The following GABBR1 variants were observed in gnomAD, a reference collection of about 807,000 sequenced individuals.
GABBR1 encodes the protein gamma-aminobutyric acid type B receptor subunit 1, also known as GABA-B receptor, R1 subunit.
In GABBR1, 35 loss-of-function variants were observed where a neutral mutation model predicts 117.7. The ratio of observed to expected loss-of-function variants is 0.30; its 90% CI spans 0.23 to 0.39. The LOEUF (loss-of-function observed/expected upper bound fraction) is 0.39. Ranked by LOEUF, GABBR1 falls within the 10% of genes least tolerant of loss-of-function variation. The probability of loss-of-function intolerance (pLI) is 1.00; values close to 1 mark genes in which losing one functional copy is unlikely to be tolerated. For missense variants in GABBR1, 709 were observed against 1,241.8 expected (o/e 0.57, Z 6.45); for synonymous variants, 442 against 486.6 (o/e 0.91, Z 1.21).
rs1162205918 is a variant in GABBR1, at chr6:29,602,972, C to A, written c.*571G>T. On this transcript the variant is annotated 3_prime_UTR_variant, in exon 23 of 23. Transcript: ENST00000377034. ...TGCATGTGTGCTGAGCGTGAGTGCA[C>A]AGAGCAGAGGCAAGGAGCATGTGAG... 2.2e-6 allele frequency: 1 copy of A among 456,294 alleles called. No homozygotes were observed. Among genetic ancestry groups the A allele is most frequent in the African/African-American group, 2.0e-5 (1 of 50,050 alleles). 28.3% of individuals were successfully genotyped at this position (456,294 alleles called of 1,614,324 possible).
At position 29,620,619 on chromosome 6, in the gene GABBR1, A is replaced by C. The variant is rs958331999; in HGVS notation, c.1323+482T>G. On this transcript the variant is annotated intron_variant, in intron 11 of 22. Transcript: ENST00000377034. The surrounding 1 kb of genome is among the most constrained non-coding windows in gnomAD (Gnocchi z 4.5). Reference sequence around the variant, plus strand: ...CCTTCTCCACATAAAATTCTAAAAAAAGAATCATTAAAAAAAGCAACAGGA... The same window carrying C: ...CCTTCTCCACATAAAATTCTAAAAACAGAATCATTAAAAAAAGCAACAGGA... Among the ~76,000 whole-genome samples the C allele has an allele frequency of 6.6e-6, 1 of 152,214 alleles. No homozygotes were observed. The highest frequency in any genetic ancestry group is 1.5e-5 in the Non-Finnish European group (1 of 68,032).
rs1761689552 is a variant in GABBR1, at chr6:29,604,037, T to C, written c.2713-321A>G. ...AAATCAGAGAGATGTGTCAACCCAGTTGGAACATCCCTCTCTTTGGCATTG... is the reference window on the plus strand; with the variant it reads ...AAATCAGAGAGATGTGTCAACCCAGCTGGAACATCCCTCTCTTTGGCATTG... On this transcript the variant is annotated intron_variant, in intron 22 of 22. Transcript: ENST00000377034. This position sits in a 1 kb window ranked among gnomAD's most constrained non-coding sequence, Gnocchi z 5.3. Among the ~76,000 whole-genome samples the C allele has an allele frequency of 1.3e-5, 2 of 152,230 alleles. No homozygotes were observed. Among genetic ancestry groups the C allele is most frequent in the Non-Finnish European group, 2.9e-5 (2 of 68,012 alleles).
chr6:29,624,347 C>G (rs1200910080), intron 6 of GABBR1: 2 of 211,596 alleles, frequency 9.5e-6, no homozygotes, highest in African/African-American at 4.6e-5. Context: ...TCACCAAGCC[C>G]TTTACCCCAT....
chr6:29,623,287 T>G lies in GABBR1; in HGVS notation c.963+18A>C. ...TTTGAGCTTATGTCCCTTTACCCCTTGCCCAACCCCTCCTCACCGAAGTGA... is the reference window on the plus strand; with the variant it reads ...TTTGAGCTTATGTCCCTTTACCCCTGGCCCAACCCCTCCTCACCGAAGTGA... On this transcript the variant is annotated intron_variant, in intron 8 of 22. Transcript: ENST00000377034. This position sits in a 1 kb window ranked among gnomAD's most constrained non-coding sequence, Gnocchi z 6.2. The G allele has an allele frequency of 6.2e-7, 1 of 1,605,478 alleles. No homozygotes were observed. Among genetic ancestry groups the G allele is most frequent in the Non-Finnish European group, 8.5e-7 (1 of 1,173,168 alleles).
intron 6 of GABBR1, among the ~76,000 whole-genome samples, chr6:29,626,518 CATT>C (rs1764289613): frequency 6.6e-6 from 1 of 151,966 alleles, no homozygotes; most frequent in Non-Finnish European, 1.5e-5. Context: ...AAAAAAACCT[CATT>C]ATAAGCTATC....
Position 29,627,798 on chromosome 6 carries a change from G to A in GABBR1, c.497-152C>T, listed in dbSNP as rs1764474340. ...AAGGGGCCCCGGGCCCCATGGCGTG[G>A]GGGGCAGGGGTAGCTGTTGGGGAGC... On this transcript the variant is annotated intron_variant, in intron 5 of 22. Transcript: ENST00000377034. The surrounding 1 kb of genome is among the most constrained non-coding windows in gnomAD (Gnocchi z 4.4). The A allele has an allele frequency of 7.0e-7, 1 of 1,438,070 alleles. No homozygotes were observed. Among genetic ancestry groups the A allele is most frequent in the South Asian group, 1.5e-5 (1 of 68,818 alleles). The allele number at this position is 1,438,070 out of a possible 1,614,324, so 89.1% of individuals were successfully genotyped here.
Position 29,610,963 on chromosome 6 carries a change from T to A in GABBR1, c.1669A>T (p.Lys557Ter). Residue 557 changes from lysine to a stop codon, truncating the protein, a stop_gained, in exon 14 of 23, where the codon AAG (lysine) becomes TAG (stop). Transcript: ENST00000377034. LOFTEE classifies it high-confidence loss of function. The part of the protein sequence containing the change: ...YKKIGYYDST[K>*]DDLSWSKTDK... ...GTTTTGGACCAGGAAAGATCATCCT[T>A]GGTGCTGTCATAGTAGCCAATCTTC... 6.2e-7 allele frequency: 1 copy of A among 1,613,042 alleles called. No homozygotes were observed.
In GABBR1 at chr6:29,606,448, C is replaced by A. The variant is rs370767649; in HGVS notation, c.2254G>T (p.Val752Phe). 1.2e-6 allele frequency: 2 copies of A among 1,612,756 alleles called. No individual in the cohort carries two copies. The highest frequency in any genetic ancestry group is 2.7e-5 in the African/African-American group (2 of 74,898). The stretch of plus-strand genomic sequence containing the variant: ...TGCTCCAGCTGGGGCAGAATAGAGA[C>A]GTCAATATCTTCCTTAGGTTCCTCC... ...AKEEPKEDID[V>F]SILPQLEHCS... Residue 752 changes from valine (V) to phenylalanine (F), a missense_variant, in exon 19 of 23, where the codon GTC becomes TTC. This residue lies in a region of GABBR1 where 251 missense variants were observed against 445.3 expected (regional missense o/e 0.56). Transcript: ENST00000377034. The surrounding 1 kb of genome is among the most constrained non-coding windows in gnomAD (Gnocchi z 4.5).
Position 29,630,890 on chromosome 6 carries a change from G to A in GABBR1, c.290-247C>T, listed in dbSNP as rs1764895601. 6.6e-6 allele frequency among the ~76,000 whole-genome samples: 1 copy of A among 152,134 alleles called. No homozygotes were observed. Among genetic ancestry groups the A allele is most frequent in the Admixed American group, 6.5e-5 (1 of 15,278 alleles). On this transcript the variant is annotated intron_variant, in intron 3 of 22. Transcript: ENST00000377034. The surrounding 1 kb of genome is among the most constrained non-coding windows in gnomAD (Gnocchi z 4.9). The stretch of plus-strand genomic sequence containing the variant: ...GATGGGGCTATAAGCACACAAAATG[G>A]GATCTCTTCAAAGTCAGCTACAGTG...
At chr6:29,629,020 G>T (rs185400700) in intron 5 of GABBR1, 67 bp downstream of exon 5, 4 of 1,587,364 alleles carry the variant, frequency 2.5e-6, no homozygotes, top group East Asian at 2.2e-5. Flanking sequence ...AGAATTTCAG[G>T]GGGGTGGAGG....
rs746710281 is a variant in GABBR1, at chr6:29,611,042, A to AATCCTACCAC, written c.1631-42_1631-41insGTGGTAGGAT. ...TAAAAGGAGTGACCACAGGTAGCCA[A>AATCCTACCAC]AGAGCTGATCCTAGGCATTTTCAAC... On this transcript the variant is annotated intron_variant, in intron 13 of 22. Coordinates refer to ENST00000377034, the MANE Select transcript of GABBR1 (RefSeq NM_001470.4). The surrounding 1 kb of genome is among the most constrained non-coding windows in gnomAD (Gnocchi z 4.6). The AATCCTACCAC allele has an allele frequency of 6.6e-7, 1 of 1,524,454 alleles. No homozygotes were observed. The highest frequency in any genetic ancestry group is 2.2e-5 in the East Asian group (1 of 44,448). 94.4% of individuals were successfully genotyped at this position (1,524,454 alleles called of 1,614,324 possible).
At chr6:29,628,537 C>T (rs1764612729) in intron 5 of GABBR1, among the ~76,000 whole-genome samples, 1 of 151,632 alleles carries the variant, frequency 6.6e-6, no homozygotes, top group South Asian at 2.1e-4. Context: ...GGAAGGGAGC[C>T]TGGGGCTGGG....
rs1761926507 is a variant in GABBR1 at position 29,606,110 on chromosome 6, T to A, written c.2311+281A>T. On this transcript the variant is annotated intron_variant, in intron 19 of 22. Coordinates refer to ENST00000377034, the MANE Select transcript of GABBR1 (RefSeq NM_001470.4). This position sits in a 1 kb window ranked among gnomAD's most constrained non-coding sequence, Gnocchi z 4.5. ...GCCAAGGGGGATCTAAAAGATAATGTCAAGTCTGGAGGTGGGGTTACCCCC... is the reference window on the plus strand; with the variant it reads ...GCCAAGGGGGATCTAAAAGATAATGACAAGTCTGGAGGTGGGGTTACCCCC... 1 of 552,350 alleles carries A rather than the reference T, an allele frequency of 1.8e-6. No homozygotes were observed. Among genetic ancestry groups the A allele is most frequent in the Non-Finnish European group, 3.2e-6 (1 of 310,894 alleles). The allele number at this position is 552,350 out of a possible 1,614,324, so 34.2% of individuals were successfully genotyped here. A position where few individuals can be genotyped will look rare whatever the true frequency, so the allele number is the denominator to read the frequency against.
At chr6:29,610,587 G>A (rs992411230) in intron 14 of GABBR1, among the ~76,000 whole-genome samples, 1 of 152,008 alleles carries the variant, frequency 6.6e-6, no homozygotes, top group African/African-American at 2.4e-5. Context: ...TGAAGTAGCT[G>A]GTTCAAATAT....
In GABBR1 at chr6:29,603,566, G is replaced by A. The variant is rs1270609473; in HGVS notation, c.2863C>T (p.Arg955Ter). The change falls in exon 23 of 23, where the codon CGA becomes TGA. Residue 955 changes from arginine (R) to a stop codon, truncating the protein, a stop_gained. Transcript: ENST00000377034. LOFTEE classifies it high-confidence loss of function. ...CCTCACTTATAAAGCAAATGCACTC[G>A]ACTCCCATCACAGCTAAGCCGGTCG... The part of the protein sequence containing the change: ...PPDRLSCDGS[R>*]VHLLYK The A allele has an allele frequency of 1.3e-6, 2 of 1,588,110 alleles. No individual in the cohort carries two copies. Among genetic ancestry groups the A allele is most frequent in the Non-Finnish European group, 8.6e-7 (1 of 1,167,880 alleles).
Position 29,627,455 on chromosome 6 carries a change from A to ACCCC in GABBR1, c.657+30_657+31insGGGG. 5.9e-6 allele frequency: 2 copies of ACCCC among 341,702 alleles called. No homozygotes were observed. The highest frequency in any genetic ancestry group is 3.4e-5 in the South Asian group (1 of 29,148). The allele number at this position is 341,702 out of a possible 1,614,324, so 21.2% of individuals were successfully genotyped here. ...CTGGCCCCCTGCCCCGCAAGCCCCCACCTCCCACCCACCCCCATGTCCAGG... is the reference window on the plus strand; with the variant it reads ...CTGGCCCCCTGCCCCGCAAGCCCCCACCCCCCTCCCACCCACCCCCATGTCCAGG... On this transcript the variant is annotated intron_variant, in intron 6 of 22. Coordinates refer to ENST00000377034, the MANE Select transcript of GABBR1 (RefSeq NM_001470.4). This position sits in a 1 kb window ranked among gnomAD's most constrained non-coding sequence, Gnocchi z 4.4.
rs1761765490 is a variant in GABBR1 at position 29,604,643 on chromosome 6, G to A, written c.2569-6C>T. 28 of 1,613,218 alleles carry A rather than the reference G, an allele frequency of 1.7e-5. No individual in the cohort carries two copies. Among genetic ancestry groups the A allele is most frequent in the Non-Finnish European group, 2.4e-5 (28 of 1,180,042 alleles). On this transcript the variant is annotated splice_polypyrimidine_tract_variant and splice_region_variant and intron_variant, in intron 21 of 22. Coordinates refer to ENST00000377034, the MANE Select transcript of GABBR1 (RefSeq NM_001470.4). The surrounding 1 kb of genome is among the most constrained non-coding windows in gnomAD (Gnocchi z 5.3). ...CGGGTGATCAGCCTGCGCATCTGGGGGCAAATGTTTGGGCGTGGGGTGGCC... is the reference window on the plus strand; with the variant it reads ...CGGGTGATCAGCCTGCGCATCTGGGAGCAAATGTTTGGGCGTGGGGTGGCC...
rs986110236 is a variant in GABBR1 at position 29,606,309 on chromosome 6, C to G, written c.2311+82G>C. The G allele has an allele frequency of 3.2e-6, 3 of 951,802 alleles. No individual in the cohort carries two copies. The highest frequency in any genetic ancestry group is 1.7e-5 in the Admixed American group (1 of 58,110). 59.0% of individuals were successfully genotyped at this position (951,802 alleles called of 1,614,324 possible). On this transcript the variant is annotated intron_variant, in intron 19 of 22. Transcript: ENST00000377034. This position sits in a 1 kb window ranked among gnomAD's most constrained non-coding sequence, Gnocchi z 4.5. ...GCTCTCTACCTCCTCTTCCAAAGACCCCTCTCCCTCCAAGCCCTCTACCCC... is the reference window on the plus strand; with the variant it reads ...GCTCTCTACCTCCTCTTCCAAAGACGCCTCTCCCTCCAAGCCCTCTACCCC...
In GABBR1 at chr6:29,604,370, G is replaced by C; in HGVS notation, c.2712+124C>G. The C allele has an allele frequency of 8.3e-7, 1 of 1,197,632 alleles. No individual in the cohort carries two copies. Among genetic ancestry groups the C allele is most frequent in the South Asian group, 1.3e-5 (1 of 75,230 alleles). The allele number at this position is 1,197,632 out of a possible 1,614,324, so 74.2% of individuals were successfully genotyped here. A position where few individuals can be genotyped will look rare whatever the true frequency, so the allele number is the denominator to read the frequency against. On this transcript the variant is annotated intron_variant, in intron 22 of 22. Transcript: ENST00000377034. This position sits in a 1 kb window ranked among gnomAD's most constrained non-coding sequence, Gnocchi z 5.3. ...TCACTCCTTACAGGTTGTCTCCTAGGACCCTCCCTCCATGAGCCAAGAACA... is the reference window on the plus strand; with the variant it reads ...TCACTCCTTACAGGTTGTCTCCTAGCACCCTCCCTCCATGAGCCAAGAACA...
Sources: allele counts gnomAD v4.1 joint callset (sites outside exome capture counted in the v4.1 genomes callset), GRCh38; gene constraint gnomAD v4.1.1; regional missense constraint gnomAD v4.1.1; non-coding constraint Gnocchi (gnomAD v3.1); transcripts MANE v1.5; gene names NCBI Gene and HGNC (gene_info 2026-07-23, HGNC 2026-07-21).